BICD1: variants seen among roughly 807,000 people sequenced by gnomAD.
BICD1 encodes BICD cargo adaptor 1, also known as protein bicaudal D homolog 1.
A neutral mutation model predicts 92.5 loss-of-function variants in BICD1; 35 were observed. The ratio of observed to expected loss-of-function variants is 0.38; its 90% CI spans 0.29 to 0.50. The LOEUF (loss-of-function observed/expected upper bound fraction) is 0.50. Among genes scored for constraint, BICD1 ranks in the 20% least tolerant of loss-of-function variants. The probability of loss-of-function intolerance (pLI) is 0.93; values close to 1 mark genes in which losing one functional copy is unlikely to be tolerated. For missense variants in BICD1, 950 were observed against 1,189.8 expected (o/e 0.80, Z 2.97); for synonymous variants, 429 against 465.1 (o/e 0.92, Z 1.00).
chr12:32,200,492 C>G (rs1341463997), intron 1 of BICD1, among the ~76,000 whole-genome samples: 1 of 152,168 alleles, frequency 6.6e-6, no homozygotes, highest in East Asian at 1.9e-4. Context: ...TCTTAACAAG[C>G]TCATCGTTTC....
intron 3 of BICD1, among the ~76,000 whole-genome samples, chr12:32,304,478 G>T (rs1198256523): frequency 6.6e-6 from 1 of 152,072 alleles, no homozygotes; most frequent in Non-Finnish European, 1.5e-5. Context: ...CACCATGAAG[G>T]AACACTGAAG....
intron 2 of BICD1, among the ~76,000 whole-genome samples, chr12:32,283,639 G>A (rs1592608657): frequency 6.6e-6 from 1 of 152,214 alleles, no homozygotes. Flanking sequence ...GATAGGAAAC[G>A]TTGATGAGGT....
At chr12:32,283,910 A>C (rs540895168) in intron 2 of BICD1, among the ~76,000 whole-genome samples, 1 of 152,350 alleles carries the variant, frequency 6.6e-6, no homozygotes, top group South Asian at 2.1e-4. Context: ...CAAATAAAGC[A>C]TGTGCTTGTC....
chr12:32,371,411 C>T (rs1374634632), intron 9 of BICD1, among the ~76,000 whole-genome samples: 1 of 152,190 alleles, frequency 6.6e-6, no homozygotes, highest in Non-Finnish European at 1.5e-5. Context: ...TTTACTCCTT[C>T]TTGGCAGAAA....
At chr12:32,206,814 T>C (rs1024379396) in intron 1 of BICD1, among the ~76,000 whole-genome samples, 2 of 152,098 alleles carry the variant, frequency 1.3e-5, no homozygotes, top group African/African-American at 4.8e-5. Flanking sequence ...GAAAACTACA[T>C]TGATGTAGCT....
At chr12:32,301,351 A>G (rs2593996) in intron 3 of BICD1, among the ~76,000 whole-genome samples, 75,098 of 152,018 alleles carry the variant, frequency 0.49, 18,904 homozygotes, top group Non-Finnish European at 0.54. Flanking sequence ...AGGAAAGGTG[A>G]CTGGATGCTT....
intron 4 of BICD1, among the ~76,000 whole-genome samples, chr12:32,314,078 A>G (rs1406667175): frequency 6.6e-6 from 1 of 152,248 alleles, no homozygotes. Flanking sequence ...AGGTTCGTCC[A>G]TGCTGTAATA....
At chr12:32,227,597 G>C (rs892383382) in intron 2 of BICD1, 3 of 155,964 alleles carry the variant, frequency 1.9e-5, no homozygotes, top group Non-Finnish European at 2.9e-5. Context: ...GGCAGGGATT[G>C]CAGGCATCCC....
At chr12:32,147,627 C>A (rs1943154411) in intron 1 of BICD1, among the ~76,000 whole-genome samples, 1 of 152,086 alleles carries the variant, frequency 6.6e-6, no homozygotes, top group African/African-American at 2.4e-5. Flanking sequence ...TTTAAAAAAT[C>A]TTTTTCAAGT....
intron 2 of BICD1, among the ~76,000 whole-genome samples, chr12:32,270,395 T>C (rs2136145091): frequency 6.6e-6 from 1 of 152,244 alleles, no homozygotes; most frequent in East Asian, 1.9e-4. Context: ...ACTGAAAGTA[T>C]AAAAGTTTCG....
At chr12:32,361,704 G>A (rs1258355185) in intron 8 of BICD1, among the ~76,000 whole-genome samples, 1 of 152,116 alleles carries the variant, frequency 6.6e-6, no homozygotes, top group Non-Finnish European at 1.5e-5. Flanking sequence ...GATGTGGTGT[G>A]GAAAATACGA....
chr12:32,233,658 A>G lies in BICD1; in HGVS notation c.426+17199A>G, dbSNP rs1033124199. Among the ~76,000 whole-genome samples the G allele has an allele frequency of 7.2e-5, 11 of 151,776 alleles. 2 individuals carry two copies. The South Asian group carries it at 1.7e-3, about 23-fold the overall frequency. On this transcript the variant is annotated intron_variant, in intron 2 of 9. Coordinates refer to ENST00000652176, the MANE Select transcript of BICD1 (RefSeq NM_001714.4). ...TCTGTGCACAATCCATTTTGTACAT[A>G]TTGATTCTTGGACTAAAAATAGCTC...
chr12:32,252,114 A>AT lies in BICD1; in HGVS notation c.426+35657dup, dbSNP rs1286123988. On this transcript the variant is annotated intron_variant, in intron 2 of 9. Coordinates refer to ENST00000652176, the MANE Select transcript of BICD1 (RefSeq NM_001714.4). The stretch of plus-strand genomic sequence containing the variant: ...TATATATTTATAATAAATATTATAT[A>AT]TTATATATTTATAATAAATATTATA... 9.2e-3 allele frequency among the ~76,000 whole-genome samples: 950 copies of AT among 103,498 alleles called. 123 individuals carry two copies. Among genetic ancestry groups the AT allele is most frequent in the African/African-American group, 0.027 (751 of 27,840 alleles). 67.9% of individuals were successfully genotyped at this position (103,498 alleles called of 152,430 possible).
intron 2 of BICD1, among the ~76,000 whole-genome samples, chr12:32,257,827 T>A (rs1181206144): frequency 6.6e-6 from 1 of 152,234 alleles, no homozygotes. Context: ...TGGTTGCATG[T>A]GGCCACAGTT....
At position 32,153,213 on chromosome 12, in the gene BICD1, C is replaced by T. The variant is rs114703309; in HGVS notation, c.213+45669C>T. ...ATTTCTTTGCTTAGAATAATGGCCT[C>T]CAGCTGCATCTATGTTGCTGCAAAG... On this transcript the variant is annotated intron_variant, in intron 1 of 9. Transcript: ENST00000652176. 4.5e-3 allele frequency among the ~76,000 whole-genome samples: 689 copies of T among 152,240 alleles called. 4 individuals carry two copies. Among genetic ancestry groups the T allele is most frequent in the African/African-American group, 0.016 (653 of 41,536 alleles).
Position 32,318,188 on chromosome 12 carries a change from G to A in BICD1, c.1006-9273G>A, listed in dbSNP as rs1254588156. ...TCTTTTGGCTTAGGATTGACTTGGC[G>A]ATGCAGGCTCTTTTTTGGTTCCATA... On this transcript the variant is annotated intron_variant, in intron 4 of 9. Coordinates refer to ENST00000652176, the MANE Select transcript of BICD1 (RefSeq NM_001714.4). Among the ~76,000 whole-genome samples the A allele has an allele frequency of 2.2e-4, 33 of 151,786 alleles. 1 individual carries two copies. The highest frequency in any genetic ancestry group is 1.4e-3 in the Admixed American group (22 of 15,210).
At chr12:32,138,078 C>T (rs2121345567) in intron 1 of BICD1, among the ~76,000 whole-genome samples, 1 of 152,244 alleles carries the variant, frequency 6.6e-6, no homozygotes, top group South Asian at 2.1e-4. Context: ...AGATTACAGG[C>T]GTGAGCCACC....
chr12:32,236,214 G>A (rs1946069020), intron 2 of BICD1, among the ~76,000 whole-genome samples: 2 of 151,176 alleles, frequency 1.3e-5, no homozygotes, highest in South Asian at 2.1e-4. Context: ...CCAACATAGT[G>A]AAACCCCATC....
intron 5 of BICD1, 47 bp from the exon 6 acceptor site, chr12:32,334,469 G>A: frequency 6.5e-7 from 1 of 1,549,116 alleles, no homozygotes; most frequent in Non-Finnish European, 8.7e-7. Flanking sequence ...CTGTATGATG[G>A]ATTTTCCTGA....
Sources: allele counts gnomAD v4.1 joint callset (sites outside exome capture counted in the v4.1 genomes callset), GRCh38; gene constraint gnomAD v4.1.1; transcripts MANE v1.5; gene names NCBI Gene and HGNC (gene_info 2026-07-23, HGNC 2026-07-21).